The following CALB1 variants were observed in gnomAD, a reference collection of about 807,000 sequenced individuals.
CALB1 encodes calbindin.
In CALB1, 16 loss-of-function variants were observed where a neutral mutation model predicts 46.7. The ratio of observed to expected loss-of-function variants is 0.34; its 90% CI spans 0.23 to 0.52. CALB1 has a LOEUF of 0.52. CALB1 is among the 20% of genes least tolerant of loss of function. CALB1 has a pLI of 0.95. For synonymous variants in CALB1, 90 were observed against 112.8 expected (o/e 0.80, Z 1.28); for missense variants, 224 against 300.3 (o/e 0.75, Z 1.88).
In CALB1 at chr8:90,069,228, C is replaced by G; in HGVS notation, c.241G>C (p.Val81Leu). 3 of 1,613,158 alleles carry G rather than the reference C, an allele frequency of 1.9e-6. No homozygotes were observed. Among genetic ancestry groups the G allele is most frequent in the African/African-American group, 1.3e-5 (1 of 74,952 alleles). Residue 81 changes from valine (V) to leucine (L), a missense_variant, in exon 4 of 11, where the codon GTA (valine) becomes CTA (leucine). Coordinates refer to ENST00000265431, the MANE Select transcript of CALB1 (RefSeq NM_004929.4). ...AGGAAATTCTCTTCTGTGGGTAATA[C>G]GTGAGCCAACTGGAAAAGATTTAAG... ...GKIGIVELAH[V>L]LPTEENFLLL...
At chr8:90,078,214 AT>A in intron 3 of CALB1, 158 bp downstream of exon 3, 1 of 470,788 alleles carries the variant, frequency 2.1e-6, no homozygotes, top group South Asian at 3.2e-5. Context: ...ATTTGTGAAC[AT>A]TTTTTAACTT....
At chr8:90,070,857 T>TGTGTGA (rs1554578979) in intron 3 of CALB1, among the ~76,000 whole-genome samples, 1 of 117,928 alleles carries the variant, frequency 8.5e-6, no homozygotes, top group Admixed American at 8.2e-5. Flanking sequence ...TGTGTGTGTG[T>TGTGTGA]GTGTGTGTGT....
At chr8:90,081,885 G>A in intron 2 of CALB1, 141 bp downstream of exon 2, 1 of 575,224 alleles carries the variant, frequency 1.7e-6, no homozygotes, top group Non-Finnish European at 3.0e-6. Flanking sequence ...TTGGAAAAGT[G>A]TTTTTTCTTG....
chr8:90,067,391 G>A (rs1156278210), intron 5 of CALB1, among the ~76,000 whole-genome samples: 1 of 152,004 alleles, frequency 6.6e-6, no homozygotes, highest in African/African-American at 2.4e-5. Context: ...AATATTTAGA[G>A]GTCAGTATTG....
chr8:90,079,909 A>C (rs909304595), intron 2 of CALB1, among the ~76,000 whole-genome samples: 1 of 151,970 alleles, frequency 6.6e-6, no homozygotes, highest in African/African-American at 2.4e-5. Context: ...TATGGCTAGA[A>C]ATGCAAAAAG....
intron 5 of CALB1, among the ~76,000 whole-genome samples, chr8:90,068,113 G>C (rs927094885): frequency 6.6e-6 from 1 of 152,112 alleles, no homozygotes; most frequent in African/African-American, 2.4e-5. Context: ...TTCCTGAAAG[G>C]CTAGTAAATT....
At chr8:90,070,951 T>C (rs142550680) in intron 3 of CALB1, among the ~76,000 whole-genome samples, 1 of 152,016 alleles carries the variant, frequency 6.6e-6, no homozygotes, top group Non-Finnish European at 1.5e-5. Flanking sequence ...TTCCTTTGAA[T>C]ACTTGAATCA....
Position 90,082,026 on chromosome 8 carries a change from C to T in CALB1, c.156G>A (p.Leu52=). The T allele has an allele frequency of 6.2e-7, 1 of 1,612,788 alleles. No homozygotes were observed. The highest frequency in any genetic ancestry group is 8.5e-7 in the Non-Finnish European group (1 of 1,179,174). The change falls in exon 2 of 11, where the codon TTG becomes TTA. Residue 52 remains leucine (L), a splice_region_variant and synonymous_variant. Transcript: ENST00000265431. ...ELQQARKKAG[L]ELSPEMKTFV... is the part of the protein sequence containing the mutation. ...TTCTTTTTCGCAAACTTGAACCTAC[C>T]AATCCAGCCTTCTTTCGCGCCTGCT...
At chr8:90,070,837 A>AGTGTGTGT (rs35368479) in intron 3 of CALB1, among the ~76,000 whole-genome samples, 1,292 of 121,668 alleles carry the variant, frequency 0.011, 18 homozygotes, top group African/African-American at 0.037. Context: ...GCATCATTGC[A>AGTGTGTGT]GTGTGTGTGT....
intron 5 of CALB1, among the ~76,000 whole-genome samples, chr8:90,066,567 T>C (rs1392837389): frequency 6.6e-6 from 1 of 152,040 alleles, no homozygotes. Flanking sequence ...CCACTGACTA[T>C]TTAAATTAAC....
chr8:90,082,028 A>C lies in CALB1; in HGVS notation c.154T>G (p.Leu52Val). 2 of 1,613,412 alleles carry C rather than the reference A, an allele frequency of 1.2e-6. No homozygotes were observed. The highest frequency in any genetic ancestry group is 1.7e-6 in the Non-Finnish European group (2 of 1,179,486). ...CTTTTTCGCAAACTTGAACCTACCA[A>C]TCCAGCCTTCTTTCGCGCCTGCTGG... is the stretch of plus-strand genomic sequence containing the variant. Reference protein sequence around the residue: ...ELQQARKKAGLELSPEMKTFV... With the variant: ...ELQQARKKAGVELSPEMKTFV... Residue 52 changes from leucine to valine, a missense_variant and splice_region_variant, in exon 2 of 11, where the codon TTG becomes GTG. Leu to Val is a conservative substitution (Grantham distance 32, BLOSUM62 1). Transcript: ENST00000265431.
chr8:90,079,788 A>C (rs566620652), intron 2 of CALB1, among the ~76,000 whole-genome samples: 232 of 152,128 alleles, frequency 1.5e-3, no homozygotes, highest in African/African-American at 5.3e-3. Flanking sequence ...AATATATTGC[A>C]TTGTTATATT....
chr8:90,070,315 C>A (rs1334456740), intron 3 of CALB1, among the ~76,000 whole-genome samples: 2 of 152,144 alleles, frequency 1.3e-5, no homozygotes, highest in Non-Finnish European at 2.9e-5. Flanking sequence ...TTCCCTAGAT[C>A]ACGGGCATGG....
chr8:90,069,802 T>C (rs1391637649), intron 3 of CALB1, among the ~76,000 whole-genome samples: 1 of 152,078 alleles, frequency 6.6e-6, no homozygotes, highest in Admixed American at 6.6e-5. Flanking sequence ...AAATTCACCA[T>C]GAATGGTGGG....
intron 3 of CALB1, among the ~76,000 whole-genome samples, chr8:90,076,625 G>C (rs1397879374): frequency 6.6e-6 from 1 of 151,790 alleles, no homozygotes; most frequent in Non-Finnish European, 1.5e-5. Context: ...GTCCTCTTCT[G>C]TTACCTATAT....
At position 90,069,037 on chromosome 8, in the gene CALB1, A is replaced by G; in HGVS notation, c.333T>C (p.Asp111=). 4 of 1,613,468 alleles carry G rather than the reference A, an allele frequency of 2.5e-6. No individual in the cohort carries two copies. Among genetic ancestry groups the G allele is most frequent in the Non-Finnish European group, 3.4e-6 (4 of 1,179,614 alleles). ...TTTCTATGAAGCCACTGTGGTCAGT[A>G]TCATATTTTCTCCATGTCTGTAAGT... The part of the protein sequence containing the change: ...EEFMKTWRKY[D]TDHSGFIETE... Residue 111 remains aspartate, a synonymous_variant, in exon 5 of 11, where the codon GAT becomes GAC. Transcript: ENST00000265431.
intron 2 of CALB1, 142 bp from the exon 3 acceptor site, chr8:90,078,589 A>G (rs1050914181): frequency 5.3e-6 from 3 of 565,482 alleles, no homozygotes; most frequent in Non-Finnish European, 9.4e-6. Flanking sequence ...TCTCAAAAAA[A>G]TTAAAGGCAT....
rs1814717451 is a variant in CALB1 at position 90,080,858 on chromosome 8, T to C, written c.156+1168A>G. 2.6e-5 allele frequency among the ~76,000 whole-genome samples: 4 copies of C among 152,108 alleles called. No individual in the cohort carries two copies. The South Asian group carries it at 6.2e-4, about 24-fold the overall frequency. On this transcript the variant is annotated intron_variant, in intron 2 of 10. Transcript: ENST00000265431. ...AATTTAGATAGGGCAAAAAGTTCTA[T>C]TATTAAATTTTATATATATCACTCA... is the stretch of plus-strand genomic sequence containing the variant.
chr8:90,082,174 C>G (rs1367152561), intron 1 of CALB1, 72 bp from the exon 2 acceptor site: 2 of 1,361,664 alleles, frequency 1.5e-6, no homozygotes, highest in Non-Finnish European at 2.1e-6. Flanking sequence ...CTTTCCAAGA[C>G]AGTTATCTTT....
Sources: allele counts gnomAD v4.1 joint callset (sites outside exome capture counted in the v4.1 genomes callset), GRCh38; gene constraint gnomAD v4.1.1; transcripts MANE v1.5; gene names NCBI Gene and HGNC (gene_info 2026-07-23, HGNC 2026-07-21).